The following VPS53 variants were observed in gnomAD, a reference collection of about 807,000 sequenced individuals.
VPS53 encodes VPS53 subunit of GARP complex.
Under a neutral mutation model 107.0 loss-of-function variants are expected in VPS53, and 70 were observed. That is an observed-to-expected ratio of 0.65 (90% CI 0.54 to 0.80). VPS53 has a LOEUF of 0.80. VPS53 is among the 30% of genes least tolerant of loss of function. The pLI, the probability that VPS53 is intolerant of heterozygous loss-of-function variation, is 0.00. For missense variants in VPS53, 917 were observed against 1,049.4 expected, an observed-to-expected ratio of 0.87 and a Z score of 1.74; for synonymous variants, 409 against 393.3, an observed-to-expected ratio of 1.04 and a Z score of -0.47.
chr17:714,376 A>G (rs1252402834), intron 1 of VPS53: 5 of 540,762 alleles, frequency 9.2e-6, no homozygotes, highest in African/African-American at 2.0e-5. Flanking sequence ...TAAGCGCACA[A>G]TTCCTTTCCC....
chr17:609,896 G>A (rs745606883), intron 11 of VPS53, among the ~76,000 whole-genome samples: 4 of 152,048 alleles, frequency 2.6e-5, no homozygotes, highest in East Asian at 1.9e-4. Context: ...TTGGGAGGCC[G>A]AGGTGGGCGG....
At chr17:630,898 T>C (rs969006516) in intron 8 of VPS53, among the ~76,000 whole-genome samples, 4 of 152,144 alleles carry the variant, frequency 2.6e-5, no homozygotes, top group African/African-American at 9.7e-5. Flanking sequence ...TTCTTTCCTG[T>C]CCGACACATG....
chr17:681,476 T>G (rs1021473425), intron 4 of VPS53, among the ~76,000 whole-genome samples: 2 of 152,202 alleles, frequency 1.3e-5, no homozygotes, highest in African/African-American at 4.8e-5. Context: ...TGCTGGGGTG[T>G]CTCTGCAAAA....
chr17:685,208 G>A (rs879542996), intron 4 of VPS53: 2 of 152,170 alleles, frequency 1.3e-5, no homozygotes, highest in Non-Finnish European at 2.9e-5. Flanking sequence ...AAGAGCCTGG[G>A]TCTGGAAACC....
At chr17:587,542 G>C (rs1031234258) in intron 12 of VPS53, among the ~76,000 whole-genome samples, 1 of 152,240 alleles carries the variant, frequency 6.6e-6, no homozygotes, top group Non-Finnish European at 1.5e-5. Context: ...AACACTAGAT[G>C]AGCGCTGGTT....
At chr17:708,391 T>C (rs1234251192) in intron 2 of VPS53, among the ~76,000 whole-genome samples, 2 of 152,210 alleles carry the variant, frequency 1.3e-5, no homozygotes, top group Non-Finnish European at 2.9e-5. Context: ...TCTTTGCACT[T>C]ATCAGAAAGA....
chr17:642,534 G>A (rs79150043), intron 7 of VPS53, among the ~76,000 whole-genome samples: 6 of 148,870 alleles, frequency 4.0e-5, no homozygotes, highest in East Asian at 2.1e-4. Flanking sequence ...CTTGGAAAGC[G>A]AGGACAACAC....
intron 2 of VPS53, among the ~76,000 whole-genome samples, 187 bp from the exon 3 acceptor site, chr17:699,567 C>A (rs1341338029): frequency 6.6e-6 from 1 of 151,408 alleles, no homozygotes; most frequent in Non-Finnish European, 1.5e-5. Flanking sequence ...TCTAGCCCAG[C>A]CCCTGTTTTT....
intron 2 of VPS53, among the ~76,000 whole-genome samples, chr17:702,824 T>C (rs551509761): frequency 5.9e-5 from 9 of 152,242 alleles, no homozygotes; most frequent in Admixed American, 2.6e-4. Context: ...TAGGCAACAA[T>C]TGCAGGCACT....
chr17:571,753 C>T (rs966030836), intron 13 of VPS53, among the ~76,000 whole-genome samples: 1 of 152,254 alleles, frequency 6.6e-6, no homozygotes, highest in Non-Finnish European at 1.5e-5. Flanking sequence ...CTGTGTTGGC[C>T]GGGCTGGTCT....
At chr17:537,427 T>C (rs1268176380) in intron 17 of VPS53, 2 of 419,016 alleles carry the variant, frequency 4.8e-6, no homozygotes, top group East Asian at 8.7e-5. Context: ...GTCCCCGACC[T>C]GCCTGAAACA....
chr17:531,585 G>T (rs1285185502), intron 19 of VPS53, among the ~76,000 whole-genome samples: 1 of 150,924 alleles, frequency 6.6e-6, no homozygotes, highest in African/African-American at 2.4e-5. Flanking sequence ...GCTCACTTCA[G>T]CCTGGATTCA....
Position 711,567 on chromosome 17 carries a change from C to A in VPS53, c.88-954G>T, listed in dbSNP as rs1014872588. Among the ~76,000 whole-genome samples the A allele has an allele frequency of 3.9e-5, 6 of 152,240 alleles. No homozygotes were observed. In the South Asian group the frequency reaches 6.2e-4, roughly 16 times the overall value. On this transcript the variant is annotated intron_variant, in intron 1 of 21. Transcript: ENST00000437048. Reference sequence around the variant, plus strand: ...ACACAGTCTCAATGATACGTGCTCACCAGAGGGAAAGTATAACCCACAGAG... The same window carrying A: ...ACACAGTCTCAATGATACGTGCTCAACAGAGGGAAAGTATAACCCACAGAG...
intron 13 of VPS53, among the ~76,000 whole-genome samples, chr17:568,721 T>C (rs187628532): frequency 2.4e-3 from 371 of 152,254 alleles, no homozygotes; most frequent in Admixed American, 3.3e-3. Flanking sequence ...TAGGTAAATA[T>C]ACTGAGCATG....
intron 4 of VPS53, among the ~76,000 whole-genome samples, chr17:685,638 A>G (rs1353661858): frequency 1.3e-5 from 2 of 152,168 alleles, no homozygotes; most frequent in African/African-American, 4.8e-5. Context: ...GATATTTTCA[A>G]CTTACGATGG....
In VPS53 at chr17:519,395, T is replaced by TG; in HGVS notation, c.2329-98dup. ...CTGGATATGGGGTCAGCAGAGGCTC[T>TG]GGAGACAGCATAGTTACTCCAGGCT... On this transcript the variant is annotated intron_variant, in intron 21 of 21. Transcript: ENST00000437048. The surrounding 1 kb of genome is among the most constrained non-coding windows in gnomAD (Gnocchi z 5.0). 8.0e-7 allele frequency: 1 copy of TG among 1,244,656 alleles called. No individual in the cohort carries two copies. The highest frequency in any genetic ancestry group is 1.1e-6 in the Non-Finnish European group (1 of 935,068). 77.1% of individuals were successfully genotyped at this position (1,244,656 alleles called of 1,614,324 possible). A position where few individuals can be genotyped will look rare whatever the true frequency, so the allele number is the denominator to read the frequency against.
chr17:660,787 T>C (rs1310383501), intron 5 of VPS53, among the ~76,000 whole-genome samples: 1 of 152,126 alleles, frequency 6.6e-6, no homozygotes, highest in Non-Finnish European at 1.5e-5. Flanking sequence ...TCTTCATACG[T>C]TTAATTCTCA....
At position 514,110 on chromosome 17, in the gene VPS53, C is replaced by T. The variant is rs1410917545; in HGVS notation, c.*5018G>A. The stretch of plus-strand genomic sequence containing the variant: ...GAATCTCATTTCCAGCAGGTTATTC[C>T]GAGTGCTCTTCCTAGCGAAGGAATC... On this transcript the variant is annotated 3_prime_UTR_variant, in exon 22 of 22. Coordinates refer to ENST00000437048, the MANE Select transcript of VPS53 (RefSeq NM_001128159.3). 5 of 50,908 alleles carry T rather than the reference C, an allele frequency of 9.8e-5. 1 individual carries two copies. Among genetic ancestry groups the T allele is most frequent in the Admixed American group, 4.2e-4 (2 of 4,812 alleles). The allele number at this position is 50,908 out of a possible 1,614,324, so 3.2% of individuals were successfully genotyped here.
At chr17:609,644 T>C (rs1299509887) in intron 11 of VPS53, among the ~76,000 whole-genome samples, 2 of 152,088 alleles carry the variant, frequency 1.3e-5, no homozygotes, top group Non-Finnish European at 2.9e-5. Context: ...TTAACTGCAT[T>C]TGGAAGAACA....
Sources: gnomAD v4.1 joint callset for allele counts (sites outside exome capture counted in the v4.1 genomes callset) on GRCh38, gnomAD v4.1.1 for gene constraint, Gnocchi (gnomAD v3.1) non-coding constraint, MANE v1.5 for transcripts, NCBI Gene and HGNC (gene_info 2026-07-23, HGNC 2026-07-21) for gene names.